The following AFDN variants were observed in gnomAD, a reference collection of about 807,000 sequenced individuals.
AFDN encodes the protein afadin, adherens junction formation factor.
Under a neutral mutation model 216.6 loss-of-function variants are expected in AFDN, and 68 were observed. That is an observed-to-expected ratio of 0.31 (90% CI 0.26 to 0.38). The LOEUF is 0.38. Among genes scored for constraint, AFDN ranks in the 10% least tolerant of loss-of-function variants. The pLI, the probability that AFDN is intolerant of heterozygous loss-of-function variation, is 1.00. For synonymous variants in AFDN, 868 were observed against 853.7 expected (o/e 1.02, Z -0.29); for missense variants, 2,136 against 2,342.0 (o/e 0.91, Z 1.82).
chr6:167,922,821 C>A, intron 21 of AFDN, 35 bp from the exon 22 acceptor site: 1 of 1,405,160 alleles, frequency 7.1e-7, no homozygotes, highest in Non-Finnish European at 1.0e-6. Flanking sequence ...ACAAGATGTG[C>A]TTTTTCACTT....
chr6:167,883,994 C>G (rs1786471168), intron 6 of AFDN, among the ~76,000 whole-genome samples: 1 of 152,196 alleles, frequency 6.6e-6, no homozygotes. Context: ...GCTTTATCAA[C>G]TAAGTTTATA....
At chr6:167,867,831 TTAG>T (rs1278694702) in intron 2 of AFDN, among the ~76,000 whole-genome samples, 4 of 152,346 alleles carry the variant, frequency 2.6e-5, no homozygotes, top group South Asian at 4.1e-4. Flanking sequence ...GTCAACACTA[TTAG>T]TAGTACTGTC....
intron 32 of AFDN, chr6:167,966,319 A>T (rs1443672138): frequency 7.1e-7 from 1 of 1,399,396 alleles, no homozygotes; most frequent in Non-Finnish European, 9.4e-7. Context: ...TAATGATTGG[A>T]ACCTCAGCAT....
Position 167,898,336 on chromosome 6 carries a change from G to A in AFDN, c.1449G>A (p.Leu483=), listed in dbSNP as rs2128386708. ...EGQRISETTM[L]QSGMKVQFGA... ...AGCGCATCTCAGAAACCACCATGCT[G>A]CAGAGTGGCATGAAAGTGCAGTTTG... The change falls in exon 11 of 34, where the codon CTG becomes CTA. Residue 483 remains leucine, a synonymous_variant. Coordinates refer to ENST00000683244, the MANE Select transcript of AFDN (RefSeq NM_001386888.1). The A allele has an allele frequency of 1.2e-6, 2 of 1,614,136 alleles. No individual in the cohort carries two copies. Among genetic ancestry groups the A allele is most frequent in the Admixed American group, 1.7e-5 (1 of 60,030 alleles).
chr6:167,927,380 G>A (rs756550584), intron 23 of AFDN, among the ~76,000 whole-genome samples: 3 of 152,172 alleles, frequency 2.0e-5, no homozygotes, highest in African/African-American at 2.4e-5. Context: ...ACTAAGGAGA[G>A]CAGAATAAGG....
At chr6:167,867,079 A>G (rs1784269240) in intron 2 of AFDN, among the ~76,000 whole-genome samples, 1 of 152,282 alleles carries the variant, frequency 6.6e-6, no homozygotes, top group Non-Finnish European at 1.5e-5. Context: ...CGTAAAGATT[A>G]CAGTAGGACC....
intron 31 of AFDN, chr6:167,963,339 T>G: frequency 1.9e-6 from 2 of 1,060,656 alleles, no homozygotes; most frequent in Non-Finnish European, 2.3e-6. Flanking sequence ...TCTGTGTGGT[T>G]TGAGAGAAGC....
chr6:167,955,217 A>G (rs1488487619), intron 30 of AFDN, among the ~76,000 whole-genome samples: 5 of 152,228 alleles, frequency 3.3e-5, no homozygotes, highest in Admixed American at 6.5e-5. Flanking sequence ...ACAAAAGCCA[A>G]TATCAGACGG....
rs1562366408 is a variant in AFDN at position 167,971,883 on chromosome 6, A to G, written c.*1948A>G. ...TTCTACTGTATTTCAGTTGCAACCT[A>G]TTTTTAATAAACTTTGTATGTATTT... On this transcript the variant is annotated 3_prime_UTR_variant, in exon 34 of 34. Coordinates refer to ENST00000683244, the MANE Select transcript of AFDN (RefSeq NM_001386888.1). The G allele has an allele frequency of 5.0e-6, 1 of 201,950 alleles. No homozygotes were observed. Among genetic ancestry groups the G allele is most frequent in the Non-Finnish European group, 1.0e-5 (1 of 98,298 alleles). The allele number at this position is 201,950 out of a possible 1,614,324, so 12.5% of individuals were successfully genotyped here.
intron 1 of AFDN, among the ~76,000 whole-genome samples, chr6:167,832,393 G>A (rs1217150506): frequency 6.6e-6 from 1 of 152,168 alleles, no homozygotes; most frequent in Non-Finnish European, 1.5e-5. Flanking sequence ...AACATTTCTC[G>A]TTGTGTGTAA....
At chr6:167,916,931 G>A (rs1011173303) in intron 19 of AFDN, among the ~76,000 whole-genome samples, 158 bp from the exon 20 acceptor site, 13 of 152,128 alleles carry the variant, frequency 8.5e-5, no homozygotes, top group African/African-American at 2.7e-4. Context: ...TCTATTTAAT[G>A]TATATAGTTA....
intron 1 of AFDN, among the ~76,000 whole-genome samples, chr6:167,863,607 G>T (rs1272089786): frequency 6.6e-6 from 1 of 152,314 alleles, no homozygotes; most frequent in Middle Eastern, 3.4e-3. Context: ...CTTTAATCTT[G>T]CTTGAGACAG....
At position 167,925,060 on chromosome 6, in the gene AFDN, A is replaced by G. The variant is rs746465384; in HGVS notation, c.3068A>G (p.Asn1023Ser). 6.2e-7 allele frequency: 1 copy of G among 1,613,962 alleles called. No individual in the cohort carries two copies. The highest frequency in any genetic ancestry group is 8.5e-7 in the Non-Finnish European group (1 of 1,179,840). Residue 1023 changes from asparagine (N) to serine (S), a missense_variant, in exon 23 of 34, where the codon AAT becomes AGT. Coordinates refer to ENST00000683244, the MANE Select transcript of AFDN (RefSeq NM_001386888.1). ...EIITVTLKKQNGMGLSIVAAK... is the reference protein window; with the variant it reads ...EIITVTLKKQSGMGLSIVAAK... ...ATCACTGTGACCCTAAAAAAGCAGAATGGAATGGGCCTTAGCATTGTTGCA... is the reference window on the plus strand; with the variant it reads ...ATCACTGTGACCCTAAAAAAGCAGAGTGGAATGGGCCTTAGCATTGTTGCA...
intron 1 of AFDN, among the ~76,000 whole-genome samples, chr6:167,843,187 T>A (rs1424880433): frequency 2.6e-5 from 4 of 152,194 alleles, no homozygotes; most frequent in African/African-American, 9.7e-5. Flanking sequence ...ACTTGATTGG[T>A]CTCTTTGCTT....
intron 9 of AFDN, among the ~76,000 whole-genome samples, chr6:167,896,672 A>G (rs1261937411): frequency 6.6e-6 from 1 of 152,222 alleles, no homozygotes; most frequent in Admixed American, 6.5e-5. Context: ...ACTTTGTGTT[A>G]ATCAGAAACT....
At chr6:167,927,196 C>T (rs189245299) in intron 23 of AFDN, among the ~76,000 whole-genome samples, 4 of 151,970 alleles carry the variant, frequency 2.6e-5, no homozygotes, top group Non-Finnish European at 4.4e-5. Flanking sequence ...GGCGTTGTAG[C>T]GGTTGTGGAG....
At chr6:167,965,394 A>G (rs998071859) in intron 31 of AFDN, among the ~76,000 whole-genome samples, 2 of 152,210 alleles carry the variant, frequency 1.3e-5, no homozygotes, top group African/African-American at 4.8e-5. Context: ...ATATCCTGCC[A>G]AAATCAGAAG....
At chr6:167,857,490 AT>A (rs1229006134) in intron 1 of AFDN, among the ~76,000 whole-genome samples, 1 of 152,108 alleles carries the variant, frequency 6.6e-6, no homozygotes, top group Non-Finnish European at 1.5e-5. Context: ...TGACTTGGGA[AT>A]TTTAATTTTA....
At chr6:167,877,564 C>T (rs1165836819) in intron 5 of AFDN, among the ~76,000 whole-genome samples, 2 of 152,150 alleles carry the variant, frequency 1.3e-5, no homozygotes, top group Non-Finnish European at 2.9e-5. Context: ...TCTGAGGAAA[C>T]TCTTAACTAA....
Sources: allele counts gnomAD v4.1 joint callset (sites outside exome capture counted in the v4.1 genomes callset), GRCh38; gene constraint gnomAD v4.1.1; transcripts MANE v1.5; gene names NCBI Gene and HGNC (gene_info 2026-07-23, HGNC 2026-07-21).